Variants in PRKG1 observed in about 807,000 individuals in gnomAD.
PRKG1 encodes protein kinase cGMP-dependent 1, also known as cGMP-dependent protein kinase 1.
Under a neutral mutation model 88.1 loss-of-function variants are expected in PRKG1, and 35 were observed. The observed-to-expected ratio is 0.40, with a 90% CI of 0.30 to 0.53. PRKG1 has a LOEUF of 0.53. PRKG1 is among the 20% of genes least tolerant of loss of function. The probability of loss-of-function intolerance (pLI) is 0.59; values close to 1 mark genes in which losing one functional copy is unlikely to be tolerated. For synonymous variants in PRKG1, 303 were observed against 292.5 expected (o/e 1.04, Z -0.37); for missense variants, 540 against 839.8 (o/e 0.64, Z 4.41).
intron 4 of PRKG1, among the ~76,000 whole-genome samples, chr10:51,816,414 A>C (rs1445393832): frequency 6.6e-6 from 1 of 152,198 alleles, no homozygotes; most frequent in Non-Finnish European, 1.5e-5. Flanking sequence ...ATAGAATAAA[A>C]AAAGTAATGT....
chr10:51,708,219 G>A (rs10823447), intron 3 of PRKG1, among the ~76,000 whole-genome samples: 36,938 of 151,974 alleles, frequency 0.24, 6,245 homozygotes, highest in African/African-American at 0.49. Context: ...CAGTGTCCTC[G>A]CGTCACCTGC....
intron 9 of PRKG1, among the ~76,000 whole-genome samples, chr10:52,232,296 C>T (rs1001139001): frequency 7.2e-5 from 11 of 151,770 alleles, no homozygotes; most frequent in Admixed American, 6.6e-5. Flanking sequence ...GAGCTAGACT[C>T]CATCTCACAG....
At chr10:51,150,622 G>A (rs1475967082) in intron 1 of PRKG1, among the ~76,000 whole-genome samples, 4 of 152,092 alleles carry the variant, frequency 2.6e-5, no homozygotes, top group African/African-American at 4.8e-5. Context: ...ATAGTAAGAT[G>A]TGGTCCTATA....
intron 5 of PRKG1, among the ~76,000 whole-genome samples, chr10:51,983,889 G>A (rs764270432): frequency 1.3e-5 from 2 of 152,184 alleles, no homozygotes; most frequent in South Asian, 4.1e-4. Flanking sequence ...GCCCTGTGCC[G>A]GGTTCCCAGC....
chr10:52,013,513 C>T (rs1264558198), intron 5 of PRKG1, among the ~76,000 whole-genome samples: 1 of 151,958 alleles, frequency 6.6e-6, no homozygotes, highest in Non-Finnish European at 1.5e-5. Context: ...TTTTTGCTGT[C>T]TCTTGAATGG....
chr10:51,737,926 G>T (rs1589246525), intron 3 of PRKG1, among the ~76,000 whole-genome samples: 2 of 149,518 alleles, frequency 1.3e-5, no homozygotes, highest in African/African-American at 4.9e-5. Context: ...ACCACGCCTG[G>T]CTAATTTTTT....
intron 3 of PRKG1, among the ~76,000 whole-genome samples, chr10:51,576,055 A>G (rs1738193250): frequency 6.6e-6 from 1 of 151,994 alleles, no homozygotes; most frequent in South Asian, 2.1e-4. Context: ...TGGCTAAGAT[A>G]TTACATCATG....
intron 1 of PRKG1, among the ~76,000 whole-genome samples, chr10:50,999,837 T>C (rs1842870556): frequency 6.6e-6 from 1 of 152,216 alleles, no homozygotes; most frequent in Admixed American, 6.5e-5. Flanking sequence ...GAAAATTATT[T>C]TGTATCTCAG....
chr10:52,076,175 A>G (rs1846623935), intron 7 of PRKG1, among the ~76,000 whole-genome samples: 1 of 152,254 alleles, frequency 6.6e-6, no homozygotes, highest in Non-Finnish European at 1.5e-5. Context: ...ATGTGAGATC[A>G]AAACTACAAT....
intron 9 of PRKG1, among the ~76,000 whole-genome samples, chr10:52,217,829 C>T (rs1384035971): frequency 2.0e-5 from 3 of 152,032 alleles, no homozygotes; most frequent in Non-Finnish European, 2.9e-5. Flanking sequence ...TTCCTTCCTC[C>T]GTTACTCTCT....
At chr10:51,797,881 C>T (rs1211933990) in intron 3 of PRKG1, among the ~76,000 whole-genome samples, 1 of 151,872 alleles carries the variant, frequency 6.6e-6, no homozygotes, top group Non-Finnish European at 1.5e-5. Context: ...GACCTCATAT[C>T]AGTGGAATCA....
At chr10:52,099,618 A>T (rs1245850307) in intron 7 of PRKG1, among the ~76,000 whole-genome samples, 3 of 152,194 alleles carry the variant, frequency 2.0e-5, no homozygotes, top group Non-Finnish European at 4.4e-5. Flanking sequence ...TAAAAGATGG[A>T]TCACAGTGGG....
chr10:51,717,843 A>G (rs964283362), intron 3 of PRKG1, among the ~76,000 whole-genome samples: 70 of 152,040 alleles, frequency 4.6e-4, no homozygotes, highest in African/African-American at 1.7e-3. Context: ...AAAAAAAAAA[A>G]AAAAGAAATA....
intron 3 of PRKG1, among the ~76,000 whole-genome samples, chr10:51,653,632 T>C (rs1037500934): frequency 6.6e-6 from 1 of 152,098 alleles, no homozygotes; most frequent in Non-Finnish European, 1.5e-5. Context: ...AGTGGTGTGA[T>C]CTCAGCTCAC....
intron 5 of PRKG1, among the ~76,000 whole-genome samples, chr10:51,915,690 T>C (rs1415715289): frequency 6.6e-6 from 1 of 152,154 alleles, no homozygotes; most frequent in Non-Finnish European, 1.5e-5. Flanking sequence ...GGAGAAAATA[T>C]TTGCTAATTA....
At chr10:51,579,907 C>T (rs930868210) in intron 3 of PRKG1, among the ~76,000 whole-genome samples, 1 of 152,050 alleles carries the variant, frequency 6.6e-6, no homozygotes, top group Non-Finnish European at 1.5e-5. Context: ...TATATGAAAT[C>T]AAACTGTCTT....
chr10:51,382,444 A>G (rs1459023136), intron 2 of PRKG1, among the ~76,000 whole-genome samples: 2 of 152,186 alleles, frequency 1.3e-5, no homozygotes. Flanking sequence ...AATTAATGGA[A>G]GATAATAATG....
At chr10:52,000,499 T>G (rs915195056) in intron 5 of PRKG1, among the ~76,000 whole-genome samples, 1 of 152,074 alleles carries the variant, frequency 6.6e-6, no homozygotes, top group African/African-American at 2.4e-5. Context: ...AAGATTGGCA[T>G]TTACACGAAC....
chr10:51,156,818 A>G (rs1250560062), intron 2 of PRKG1, among the ~76,000 whole-genome samples: 1 of 151,992 alleles, frequency 6.6e-6, no homozygotes, highest in African/African-American at 2.4e-5. Flanking sequence ...TTTAGGTAGC[A>G]ATGTTCTTGC....
Sources: gnomAD v4.1 joint callset for allele counts (sites outside exome capture counted in the v4.1 genomes callset) on GRCh38, gnomAD v4.1.1 for gene constraint, MANE v1.5 for transcripts, NCBI Gene and HGNC (gene_info 2026-07-23, HGNC 2026-07-21) for gene names.